The following HERC3 variants were observed in gnomAD, a reference collection of about 807,000 sequenced individuals.
The protein encoded by HERC3 is HECT and RLD domain containing E3 ubiquitin protein ligase 3, also known as probable E3 ubiquitin-protein ligase HERC3.
A neutral mutation model predicts 129.9 loss-of-function variants in HERC3; 58 were observed. The observed-to-expected ratio is 0.45, with a 90% CI of 0.36 to 0.56. HERC3 has a LOEUF of 0.56. Among genes scored for constraint, HERC3 ranks in the 20% least tolerant of loss-of-function variants. The probability of loss-of-function intolerance (pLI) is 0.00; values close to 1 mark genes in which losing one functional copy is unlikely to be tolerated. For missense variants in HERC3, 835 were observed against 1,244.2 expected (o/e 0.67, Z 4.95); for synonymous variants, 430 against 451.0 (o/e 0.95, Z 0.59).
rs545758181 is a variant in HERC3, at chr4:88,633,144, A to G, written c.227-16696A>G. 2.1e-3 allele frequency among the ~76,000 whole-genome samples: 313 copies of G among 152,352 alleles called. 1 individual carries two copies. Among genetic ancestry groups the G allele is most frequent in the Non-Finnish European group, 3.4e-3 (229 of 68,024 alleles). On this transcript the variant is annotated intron_variant, in intron 3 of 25. Transcript: ENST00000402738. ...TCTGTATCCAGCAAAAATAGCCTTTATAAATGAAGGTGAAACAAAGGCAGT... is the reference window on the plus strand; with the variant it reads ...TCTGTATCCAGCAAAAATAGCCTTTGTAAATGAAGGTGAAACAAAGGCAGT...
intron 6 of HERC3, among the ~76,000 whole-genome samples, chr4:88,653,741 G>C (rs1729542932): frequency 1.3e-5 from 2 of 152,170 alleles, no homozygotes; most frequent in African/African-American, 4.8e-5. Context: ...TTCACTGTTG[G>C]ATGTGTGGTT....
chr4:88,536,628 A>G, the HERC3 span, among the ~76,000 whole-genome samples: 1 of 152,210 alleles, frequency 6.6e-6, no homozygotes, highest in South Asian at 2.1e-4. Context: ...GTATATGTTT[A>G]ATAAACACTT....
intron 19 of HERC3, 53 bp from the exon 20 acceptor site, chr4:88,680,038 GAT>G (rs1302423332): frequency 1.3e-6 from 2 of 1,506,542 alleles, no homozygotes; most frequent in Non-Finnish European, 1.8e-6. Flanking sequence ...GCTAAAAAGA[GAT>G]AAAATGTGTC....
At chr4:88,595,852 T>C (rs1368204967) in intron 2 of HERC3, among the ~76,000 whole-genome samples, 2 of 134,712 alleles carry the variant, frequency 1.5e-5, no homozygotes, top group Non-Finnish European at 3.1e-5. Context: ...TTTTTTTTTT[T>C]TTTTTTTTTT....
At chr4:88,698,645 C>T (rs540522064) in intron 23 of HERC3, among the ~76,000 whole-genome samples, 3 of 152,124 alleles carry the variant, frequency 2.0e-5, no homozygotes, top group Admixed American at 1.3e-4. Flanking sequence ...GCCATCTATC[C>T]CACCCCGCTC....
At chr4:88,635,303 C>T (rs563116351) in intron 3 of HERC3, among the ~76,000 whole-genome samples, 11 of 151,842 alleles carry the variant, frequency 7.2e-5, no homozygotes, top group African/African-American at 2.4e-4. Flanking sequence ...TAAAGAGGAA[C>T]GTAAACGACC....
At chr4:88,621,039 C>T (rs1725452483) in intron 3 of HERC3, among the ~76,000 whole-genome samples, 1 of 152,120 alleles carries the variant, frequency 6.6e-6, no homozygotes, top group Non-Finnish European at 1.5e-5. Flanking sequence ...TTAAGCTCCA[C>T]GAGAATAAGG....
chr4:88,673,980 C>G (rs904414528), intron 16 of HERC3, among the ~76,000 whole-genome samples: 2 of 152,178 alleles, frequency 1.3e-5, no homozygotes, highest in African/African-American at 4.8e-5. Context: ...GGCAGTGTCT[C>G]TCTGGCTTTG....
the HERC3 span, among the ~76,000 whole-genome samples, chr4:88,571,496 C>A: frequency 6.6e-6 from 1 of 152,142 alleles, no homozygotes; most frequent in African/African-American, 2.4e-5. Context: ...AACTCTCATT[C>A]ACTCTTTCTT....
intron 5 of HERC3, 116 bp from the exon 6 acceptor site, chr4:88,652,753 C>A: frequency 9.6e-7 from 1 of 1,044,260 alleles, no homozygotes; most frequent in Non-Finnish European, 1.4e-6. Flanking sequence ...TGTTCCTTTG[C>A]TCTTGGGTGG....
intron 23 of HERC3, chr4:88,697,969 T>C (rs1734842656): frequency 1.5e-6 from 1 of 645,536 alleles, no homozygotes; most frequent in Non-Finnish European, 2.7e-6. Context: ...ATTCCTCCTG[T>C]TGCTACCCTG....
chr4:88,704,487 CT>C lies in HERC3; in HGVS notation c.2842-16del. The stretch of plus-strand genomic sequence containing the variant: ...ATATTCTTCCAAGATACATTTTTTT[CT>C]TTTTCTCTTTTTTGGACAGACTGCC... On this transcript the variant is annotated intron_variant, in intron 24 of 25. Transcript: ENST00000402738. The C allele has an allele frequency of 6.7e-7, 1 of 1,503,640 alleles. No individual in the cohort carries two copies. The highest frequency in any genetic ancestry group is 9.2e-7 in the Non-Finnish European group (1 of 1,086,256). 93.1% of individuals were successfully genotyped at this position (1,503,640 alleles called of 1,614,324 possible).
rs766457622 is a variant in HERC3, at chr4:88,669,924, A to G, written c.1698A>G (p.Ala566=). Residue 566 remains alanine, a synonymous_variant, in exon 15 of 26, where the codon GCA becomes GCG. Transcript: ENST00000402738. ...AGCTGGTAAACCTCTATAAAGGTGC[A>G]GTCCTTTATCTACTGAGGGGAAGAA... ...FMKLVNLYKG[A]VLYLLRGRKT... 1.2e-6 allele frequency: 2 copies of G among 1,611,030 alleles called. No individual in the cohort carries two copies. Among genetic ancestry groups the G allele is most frequent in the African/African-American group, 2.7e-5 (2 of 74,898 alleles).
rs190743806 is a variant in HERC3 at position 88,697,114 on chromosome 4, A to C, written c.2658-6984A>C. The C allele has an allele frequency of 4.2e-4, 548 of 1,293,864 alleles. 4 individuals carry two copies. The Admixed American group carries it at 8.0e-3, about 19-fold the overall frequency. The allele number at this position is 1,293,864 out of a possible 1,614,324, so 80.1% of individuals were successfully genotyped here. On this transcript the variant is annotated intron_variant, in intron 23 of 25. Coordinates refer to ENST00000402738, the MANE Select transcript of HERC3 (RefSeq NM_014606.3). Reference sequence around the variant, plus strand: ...AATTCACATTGTATTTTGGTCAAAAACCTGAGCCTTTTTAAGTCCATCGAT... The same window carrying C: ...AATTCACATTGTATTTTGGTCAAAACCCTGAGCCTTTTTAAGTCCATCGAT...
intron 3 of HERC3, among the ~76,000 whole-genome samples, chr4:88,611,927 C>T (rs1440667020): frequency 6.6e-6 from 1 of 152,170 alleles, no homozygotes; most frequent in Non-Finnish European, 1.5e-5. Context: ...CATAATCTGA[C>T]CTTCCTGAGG....
intron 23 of HERC3, chr4:88,693,241 T>C (rs1734256888): frequency 1.0e-6 from 1 of 979,688 alleles, no homozygotes; most frequent in African/African-American, 1.7e-5. Flanking sequence ...CAAGTATCTT[T>C]TGTGTATAAA....
chr4:88,666,976 G>A (rs910747315), intron 12 of HERC3, among the ~76,000 whole-genome samples: 14 of 152,210 alleles, frequency 9.2e-5, no homozygotes, highest in African/African-American at 3.4e-4. Flanking sequence ...TTTGTACCAA[G>A]CCACAGCATC....
chr4:88,625,600 A>G (rs1726011904), intron 3 of HERC3, among the ~76,000 whole-genome samples: 2 of 152,200 alleles, frequency 1.3e-5, no homozygotes, highest in African/African-American at 2.4e-5. Context: ...CATAATATCT[A>G]TAAATCAAGC....
At chr4:88,531,367 C>T in the HERC3 span, among the ~76,000 whole-genome samples, 1 of 152,050 alleles carries the variant, frequency 6.6e-6, no homozygotes. Context: ...GGAGTCATCA[C>T]CACTATTTTG....
Sources: allele counts gnomAD v4.1 joint callset (sites outside exome capture counted in the v4.1 genomes callset), GRCh38; gene constraint gnomAD v4.1.1; transcripts MANE v1.5; gene names NCBI Gene and HGNC (gene_info 2026-07-23, HGNC 2026-07-21).